VPS13A: variants seen among roughly 807,000 people sequenced by gnomAD.
VPS13A encodes the protein intermembrane lipid transfer protein VPS13A.
VPS13A carries 264 observed loss-of-function variants against 390.9 expected under a neutral mutation model. That is an observed-to-expected ratio of 0.68 (90% CI 0.61 to 0.75). VPS13A has a LOEUF of 0.75. Among genes scored for constraint, VPS13A ranks in the 30% least tolerant of loss-of-function variants. The pLI is 0.00. For synonymous variants in VPS13A, 1,231 were observed against 1,227.1 expected (o/e 1.00, Z -0.07); for missense variants, 3,409 against 3,733.9 (o/e 0.91, Z 2.27).
At chr9:77,396,605 T>G (rs1177518688) in intron 68 of VPS13A, among the ~76,000 whole-genome samples, 3 of 152,194 alleles carry the variant, frequency 2.0e-5, no homozygotes, top group Non-Finnish European at 4.4e-5. Flanking sequence ...TTTGCTTGAA[T>G]ACCTTCTTTT....
At chr9:77,307,640 C>T (rs1828834460) in intron 34 of VPS13A, among the ~76,000 whole-genome samples, 1 of 152,118 alleles carries the variant, frequency 6.6e-6, no homozygotes, top group Admixed American at 6.5e-5. Context: ...CCAAAGTAGA[C>T]AGATAACTAC....
intron 35 of VPS13A, 145 bp from the exon 36 acceptor site, chr9:77,313,847 A>T: frequency 1.1e-6 from 1 of 903,574 alleles, no homozygotes; most frequent in Non-Finnish European, 1.6e-6. Flanking sequence ...ACTGAGTTTT[A>T]CATCTGAATT....
In VPS13A at chr9:77,370,474, A is replaced by C; in HGVS notation, c.8803A>C (p.Met2935Leu). Residue 2935 changes from methionine (M) to leucine (L), a missense_variant, in exon 65 of 72, where the codon ATG becomes CTG. Transcript: ENST00000360280. ...TGAMAKGVAA[M>L]TMDEDYQQKR... ...TGCTATGGCTAAGGGGGTAGCAGCTATGACCATGGATGAAGACTACCAACA... is the reference window on the plus strand; with the variant it reads ...TGCTATGGCTAAGGGGGTAGCAGCTCTGACCATGGATGAAGACTACCAACA... The C allele has an allele frequency of 1.2e-6, 2 of 1,614,204 alleles. No individual in the cohort carries two copies. Among genetic ancestry groups the C allele is most frequent in the Non-Finnish European group, 1.7e-6 (2 of 1,180,018 alleles).
At chr9:77,395,692 AT>A (rs1834094373) in intron 68 of VPS13A, 1 of 152,200 alleles carries the variant, frequency 6.6e-6, no homozygotes, top group Admixed American at 6.5e-5. Flanking sequence ...ATAACTCATT[AT>A]ATTTTTATTA....
intron 71 of VPS13A, among the ~76,000 whole-genome samples, chr9:77,412,050 G>A (rs1834957821): frequency 6.6e-6 from 1 of 152,178 alleles, no homozygotes; most frequent in African/African-American, 2.4e-5. Context: ...GCAGGAAGAA[G>A]TTGAGTCTCT....
At chr9:77,323,744 C>A (rs571650466) in intron 45 of VPS13A, among the ~76,000 whole-genome samples, 1 of 152,252 alleles carries the variant, frequency 6.6e-6, no homozygotes, top group South Asian at 2.1e-4. Context: ...GATCTGTCCT[C>A]ATTGTACATT....
intron 67 of VPS13A, among the ~76,000 whole-genome samples, chr9:77,373,568 A>G (rs1832899983): frequency 6.9e-6 from 1 of 145,160 alleles, no homozygotes; most frequent in Non-Finnish European, 1.5e-5. Flanking sequence ...TTCAGGACAT[A>G]GGCATGGGCA....
intron 35 of VPS13A, among the ~76,000 whole-genome samples, chr9:77,310,960 A>G (rs7025656): frequency 0.2 from 30,471 of 150,596 alleles, 3,273 homozygotes; most frequent in Middle Eastern, 0.26. Context: ...GAGTCTCGCT[A>G]TGTCACCCAG....
At chr9:77,323,037 A>G in intron 44 of VPS13A, 30 bp from the exon 45 acceptor site, 1 of 1,532,234 alleles carries the variant, frequency 6.5e-7, no homozygotes, top group Non-Finnish European at 8.9e-7. Flanking sequence ...AATTATAATA[A>G]AAACTTTTAA....
chr9:77,381,662 A>C (rs1344166045), intron 67 of VPS13A, among the ~76,000 whole-genome samples: 2 of 152,174 alleles, frequency 1.3e-5, no homozygotes, highest in East Asian at 3.8e-4. Context: ...GGAATGAGAC[A>C]AGGATGCTTG....
At chr9:77,241,096 A>T (rs1056119626) in intron 19 of VPS13A, among the ~76,000 whole-genome samples, 3 of 152,136 alleles carry the variant, frequency 2.0e-5, no homozygotes, top group Non-Finnish European at 4.4e-5. Flanking sequence ...CTATCTGGAA[A>T]ATTCTTAGCC....
chr9:77,415,925 A>T, intron 71 of VPS13A, 31 bp from the exon 72 acceptor site: 1 of 1,612,106 alleles, frequency 6.2e-7, no homozygotes, highest in Non-Finnish European at 8.5e-7. Flanking sequence ...TCACTGAAGT[A>T]AGCAAATGTT....
intron 1 of VPS13A, among the ~76,000 whole-genome samples, chr9:77,186,872 C>T (rs1035175189): frequency 3.9e-5 from 6 of 152,178 alleles, no homozygotes; most frequent in South Asian, 2.1e-4. Context: ...ACCACTTACC[C>T]GTTAAGCAAT....
Position 77,212,978 on chromosome 9 carries a change from C to A in VPS13A, c.565C>A (p.Gln189Lys). ...TTTTTTTCCTTTTCAGACAACTGAT[C>A]AATACTGGGTTCCATGTTTACATGA... ...LQNLSMQTTD[Q>K]YWVPCLHDET... is the part of the protein sequence containing the mutation. Residue 189 changes from glutamine to lysine, a missense_variant, in exon 8 of 72, where the codon CAA becomes AAA. Coordinates refer to ENST00000360280, the MANE Select transcript of VPS13A (RefSeq NM_033305.3). The A allele has an allele frequency of 6.2e-7, 1 of 1,613,792 alleles. No individual in the cohort carries two copies. The highest frequency in any genetic ancestry group is 1.1e-5 in the South Asian group (1 of 91,060).
chr9:77,247,418 T>TATTTGA (rs1433054115), intron 20 of VPS13A, 23 bp downstream of exon 20: 1 of 1,585,376 alleles, frequency 6.3e-7, no homozygotes, highest in African/African-American at 1.4e-5. Flanking sequence ...AATATTTGAT[T>TATTTGA]TATGATACAG....
chr9:77,370,772 C>G, intron 65 of VPS13A, 118 bp from the exon 66 acceptor site: 6 of 1,444,692 alleles, frequency 4.2e-6, no homozygotes, highest in Non-Finnish European at 5.7e-6. Context: ...CTTAGGAGAT[C>G]TGTTAATTCT....
In VPS13A at chr9:77,214,395, A is replaced by G; in HGVS notation, c.754+9A>G. 1.2e-6 allele frequency: 2 copies of G among 1,604,936 alleles called. No individual in the cohort carries two copies. The highest frequency in any genetic ancestry group is 1.7e-6 in the Non-Finnish European group (2 of 1,172,018). On this transcript the variant is annotated intron_variant, in intron 10 of 71. Coordinates refer to ENST00000360280, the MANE Select transcript of VPS13A (RefSeq NM_033305.3). The stretch of plus-strand genomic sequence containing the variant: ...AGAAGGTTATGATTTTGGTAAGTAC[A>G]TTTTATAAGATAAAAAAAGTAGTTA...
At chr9:77,403,970 TATGAA>T (rs1453624144) in intron 69 of VPS13A, among the ~76,000 whole-genome samples, 7 of 152,198 alleles carry the variant, frequency 4.6e-5, no homozygotes, top group African/African-American at 1.4e-4. Context: ...TTTGTTCACT[TATGAA>T]AGGTAAAGTT....
rs1195403389 is a variant in VPS13A, at chr9:77,353,399, T to C, written c.7420-10T>C. 4 of 1,566,082 alleles carry C rather than the reference T, an allele frequency of 2.6e-6. No individual in the cohort carries two copies. Among genetic ancestry groups the C allele is most frequent in the Non-Finnish European group, 3.5e-6 (4 of 1,151,990 alleles). On this transcript the variant is annotated splice_polypyrimidine_tract_variant and intron_variant, in intron 53 of 71. Coordinates refer to ENST00000360280, the MANE Select transcript of VPS13A (RefSeq NM_033305.3). Reference sequence around the variant, plus strand: ...TTGGTTTTTTTTTTTTTTTGGTGGTTTTATTCTAGGATATGATGATGCCTA... The same window carrying C: ...TTGGTTTTTTTTTTTTTTTGGTGGTCTTATTCTAGGATATGATGATGCCTA...
Sources: allele counts gnomAD v4.1 joint callset (sites outside exome capture counted in the v4.1 genomes callset), GRCh38; gene constraint gnomAD v4.1.1; transcripts MANE v1.5; gene names NCBI Gene and HGNC (gene_info 2026-07-23, HGNC 2026-07-21).